PRCC: variants seen among roughly 807,000 people sequenced by gnomAD.
The protein encoded by PRCC is proline rich mitotic checkpoint control factor.
A neutral mutation model predicts 44.0 loss-of-function variants in PRCC; 10 were observed. The ratio of observed to expected loss-of-function variants is 0.23; its 90% confidence interval spans 0.14 to 0.39. The LOEUF (loss-of-function observed/expected upper bound fraction) is 0.39, where lower values mean the gene tolerates loss of function less well. PRCC is among the 10% of genes least tolerant of loss of function. PRCC has a pLI of 1.00. For missense variants in PRCC, 573 were observed against 624.7 expected (o/e 0.92, Z 0.88); for synonymous variants, 278 against 259.5 (o/e 1.07, Z -0.69).
intron 5 of PRCC, chr1:156,795,996 C>G (rs1015780936): frequency 6.6e-6 from 1 of 152,238 alleles, no homozygotes; most frequent in Non-Finnish European, 1.5e-5. Flanking sequence ...CAGATGGCCA[C>G]ACAAGCCCCA....
chr1:156,793,855 T>A (rs1652571500), intron 4 of PRCC, among the ~76,000 whole-genome samples: 1 of 151,950 alleles, frequency 6.6e-6, no homozygotes, highest in Admixed American at 6.6e-5. Flanking sequence ...CTCAAACTTC[T>A]GGGCTCAAGT....
At position 156,768,203 on chromosome 1, in the gene PRCC, C is replaced by G; in HGVS notation, c.432C>G (p.Pro144=). 1 of 1,546,952 alleles carries G rather than the reference C, an allele frequency of 6.5e-7. No homozygotes were observed. The change falls in exon 1 of 7, where the codon CCC becomes CCG. Residue 144 remains proline (P), a synonymous_variant. Coordinates refer to ENST00000271526, the MANE Select transcript of PRCC (RefSeq NM_005973.5). ...GLPKPKKRKE[P]VKIAAPELHK... is the part of the protein sequence containing the mutation. ...CCAAGCCAAAGAAGAGGAAAGAGCCCGTGAAGATCGCGGCGCCGGAGTTGC... is the reference window on the plus strand; with the variant it reads ...CCAAGCCAAAGAAGAGGAAAGAGCCGGTGAAGATCGCGGCGCCGGAGTTGC...
At chr1:156,791,595 A>C (rs1652473602) in intron 3 of PRCC, 102 bp from the exon 4 acceptor site, 1 of 1,060,134 alleles carries the variant, frequency 9.4e-7, no homozygotes. Flanking sequence ...CTATCTCACC[A>C]TTGCCTCTTT....
intron 3 of PRCC, chr1:156,791,287 C>T (rs1011471518): frequency 2.0e-5 from 13 of 662,828 alleles, no homozygotes; most frequent in Non-Finnish European, 3.3e-5. Context: ...AATGGCATGA[C>T]GTATACCTTC....
intron 1 of PRCC, among the ~76,000 whole-genome samples, chr1:156,775,429 C>A (rs191580831): frequency 1.3e-5 from 2 of 151,528 alleles, no homozygotes; most frequent in African/African-American, 4.8e-5. Context: ...TAGCTTACTT[C>A]AGCCTTGGCC....
chr1:156,774,157 C>CTTTTTTTTTTTTTTTTTTTTTT (rs76271348), intron 1 of PRCC, among the ~76,000 whole-genome samples: 3 of 54,004 alleles, frequency 5.6e-5, no homozygotes, highest in Non-Finnish European at 9.7e-5. Context: ...TTTGAGTCAC[C>CTTTTTTTTTTTTTTTTTTTTTT]TTTTTTTTTT....
intron 6 of PRCC, among the ~76,000 whole-genome samples, chr1:156,798,595 G>A (rs142249632): frequency 2.0e-5 from 3 of 152,174 alleles, no homozygotes; most frequent in African/African-American, 7.2e-5. Context: ...GGTGACTCAC[G>A]CCTGTAATCC....
intron 5 of PRCC, among the ~76,000 whole-genome samples, chr1:156,795,293 T>G (rs1359701729): frequency 8.0e-6 from 1 of 125,662 alleles, no homozygotes; most frequent in East Asian, 2.1e-4. Context: ...GTGTTTTTTT[T>G]TTTTTTTTTT....
intron 1 of PRCC, among the ~76,000 whole-genome samples, chr1:156,773,985 T>TA (rs1397078140): frequency 6.6e-6 from 1 of 151,998 alleles, no homozygotes; most frequent in Non-Finnish European, 1.5e-5. Flanking sequence ...CTAAGTAAAG[T>TA]AAGCCAGTCA....
At position 156,778,042 on chromosome 1, in the gene PRCC, T is replaced by C. The variant is rs79944368; in HGVS notation, c.469-4240T>C. ...ATAGCTATCACTTCAAATGCTTATT[T>C]TTTTTGTGGTGAGAACATTTGAAAT... On this transcript the variant is annotated intron_variant, in intron 1 of 6. Coordinates refer to ENST00000271526, the MANE Select transcript of PRCC (RefSeq NM_005973.5). 4.9e-3 allele frequency among the ~76,000 whole-genome samples: 745 copies of C among 152,332 alleles called. 12 individuals are homozygous for C. The highest frequency in any genetic ancestry group is 0.017 in the African/African-American group (713 of 41,564).
At chr1:156,798,567 G>T in intron 6 of PRCC, among the ~76,000 whole-genome samples, 1 of 152,130 alleles carries the variant, frequency 6.6e-6, no homozygotes, top group Non-Finnish European at 1.5e-5. Context: ...ATGGTGTTAA[G>T]ATTTATGGGC....
chr1:156,793,084 C>T (rs1429164116), intron 4 of PRCC, among the ~76,000 whole-genome samples: 2 of 152,178 alleles, frequency 1.3e-5, no homozygotes, highest in Non-Finnish European at 2.9e-5. Context: ...GCTACCTCAC[C>T]ATGGAGGTTC....
At chr1:156,778,860 C>T (rs1242357207) in intron 1 of PRCC, among the ~76,000 whole-genome samples, 8 of 151,274 alleles carry the variant, frequency 5.3e-5, no homozygotes, top group African/African-American at 1.2e-4. Flanking sequence ...AGTGCAATGG[C>T]GCAATCTCGG....
At chr1:156,797,151 C>T (rs1023957036) in intron 5 of PRCC, 125 bp from the exon 6 acceptor site, 1 of 1,139,376 alleles carries the variant, frequency 8.8e-7, no homozygotes, top group Non-Finnish European at 1.3e-6. Flanking sequence ...ACAGCTCCAA[C>T]TTTTCTCCCC....
At chr1:156,791,490 T>A in intron 3 of PRCC, 1 of 581,554 alleles carries the variant, frequency 1.7e-6, no homozygotes, top group Non-Finnish European at 3.1e-6. Flanking sequence ...CTGGATAGTG[T>A]AGATGAGAAA....
At chr1:156,796,112 A>G (rs1652653921) in intron 5 of PRCC, 1 of 152,248 alleles carries the variant, frequency 6.6e-6, no homozygotes, top group Non-Finnish European at 1.5e-5. Context: ...CACTTAGGAG[A>G]GCATGCTCTA....
intron 5 of PRCC, 190 bp from the exon 6 acceptor site, chr1:156,797,086 T>A (rs1042058726): frequency 3.3e-6 from 2 of 597,318 alleles, no homozygotes; most frequent in Admixed American, 6.1e-5. Context: ...TGAGCTGGGT[T>A]TTTTGTATAA....
At chr1:156,783,969 C>T (rs1418073528) in intron 2 of PRCC, among the ~76,000 whole-genome samples, 24 of 145,272 alleles carry the variant, frequency 1.7e-4, no homozygotes, top group African/African-American at 4.8e-4. Context: ...TTGGGGGGGA[C>T]GGAGTCTCGC....
At chr1:156,785,341 C>G (rs1652199989) in intron 2 of PRCC, among the ~76,000 whole-genome samples, 1 of 152,006 alleles carries the variant, frequency 6.6e-6, no homozygotes, top group African/African-American at 2.4e-5. Context: ...AAAACCCCGT[C>G]TCTACTAAAA....
Sources: gnomAD v4.1 joint callset for allele counts (sites outside exome capture counted in the v4.1 genomes callset) on GRCh38, gnomAD v4.1.1 for gene constraint, MANE v1.5 for transcripts, NCBI Gene and HGNC (gene_info 2026-07-23, HGNC 2026-07-21) for gene names.